ADARB1: variants seen among roughly 807,000 people sequenced by gnomAD.
The protein encoded by ADARB1 is double-stranded RNA-specific editase 1.
A neutral mutation model predicts 52.4 loss-of-function variants in ADARB1; 10 were observed. The observed-to-expected ratio is 0.19, with a 90% CI of 0.12 to 0.32. The LOEUF (loss-of-function observed/expected upper bound fraction) is 0.32, where lower values mean the gene tolerates loss of function less well. Ranked by LOEUF, ADARB1 falls within the 10% of genes least tolerant of loss-of-function variation. The pLI is 1.00. For missense variants in ADARB1, 643 were observed against 922.3 expected, an observed-to-expected ratio of 0.70 and a Z score of 3.92; for synonymous variants, 349 against 371.1, an observed-to-expected ratio of 0.94 and a Z score of 0.68.
At chr21:45,081,037 C>A (rs1357805175) in intron 1 of ADARB1, among the ~76,000 whole-genome samples, 1 of 152,012 alleles carries the variant, frequency 6.6e-6, no homozygotes, top group African/African-American at 2.4e-5. Flanking sequence ...AGTAGTTCAG[C>A]CAATGCGATG....
intron 2 of ADARB1, among the ~76,000 whole-genome samples, chr21:45,140,103 C>G (rs1311901672): frequency 6.6e-6 from 1 of 151,966 alleles, no homozygotes; most frequent in East Asian, 1.9e-4. Context: ...GCCACCATGC[C>G]CGGCTAATTT....
rs12483152 is a variant in ADARB1 at position 45,115,985 on chromosome 21, C to T, written c.-219-12417C>T. On this transcript the variant is annotated intron_variant, in intron 1 of 10. Transcript: ENST00000348831. Reference sequence around the variant, plus strand: ...TTTGTTAATTAACTGATTTCACCCTCGTCATCCATCCTCTTTCCATAAGGA... The same window carrying T: ...TTTGTTAATTAACTGATTTCACCCTTGTCATCCATCCTCTTTCCATAAGGA... 3.2e-3 allele frequency among the ~76,000 whole-genome samples: 482 copies of T among 152,362 alleles called. 4 individuals are homozygous for T. Among genetic ancestry groups the T allele is most frequent in the Middle Eastern group, 0.014 (4 of 294 alleles).
intron 4 of ADARB1, among the ~76,000 whole-genome samples, chr21:45,179,807 G>C (rs1202243312): frequency 1.3e-5 from 2 of 152,044 alleles, no homozygotes; most frequent in East Asian, 3.9e-4. Context: ...TCCTTCACTG[G>C]ATCGCATCTC....
chr21:45,212,580 G>C (rs1011494443), intron 9 of ADARB1, among the ~76,000 whole-genome samples: 2 of 152,114 alleles, frequency 1.3e-5, no homozygotes, highest in African/African-American at 4.8e-5. Flanking sequence ...GCCCAGCCCT[G>C]TGTGTGGTTA....
chr21:45,150,517 T>C (rs2090229580), intron 2 of ADARB1, among the ~76,000 whole-genome samples: 1 of 152,220 alleles, frequency 6.6e-6, no homozygotes, highest in African/African-American at 2.4e-5. Context: ...AGTTAAATCA[T>C]ATTAATAATT....
Position 45,221,450 on chromosome 21 carries a change from T to C in ADARB1, c.1926+436T>C, listed in dbSNP as rs564361751. Among the ~76,000 whole-genome samples, 147 of 152,196 alleles carry C rather than the reference T, an allele frequency of 9.7e-4. 1 individual carries two copies. Among genetic ancestry groups the C allele is most frequent in the Non-Finnish European group, 1.7e-3 (116 of 68,032 alleles). ...CCCTTTTTTCCCCAGAATAAAACTT[T>C]ATATAGTAAGTCAGGGTATTACTAG... is the stretch of plus-strand genomic sequence containing the variant. On this transcript the variant is annotated intron_variant, in intron 10 of 10. Transcript: ENST00000348831. This position sits in a 1 kb window ranked among gnomAD's most constrained non-coding sequence, Gnocchi z 4.9.
chr21:45,118,840 C>T (rs2087979352), intron 1 of ADARB1, among the ~76,000 whole-genome samples: 1 of 152,192 alleles, frequency 6.6e-6, no homozygotes, highest in Non-Finnish European at 1.5e-5. Flanking sequence ...GGGAAGACCC[C>T]TCACCTCTGT....
intron 1 of ADARB1, among the ~76,000 whole-genome samples, chr21:45,077,658 C>T (rs1246740765): frequency 1.3e-5 from 2 of 148,864 alleles, no homozygotes; most frequent in Non-Finnish European, 3.0e-5. Context: ...CAGAGCGAGA[C>T]GCCGTCTAAA....
At chr21:45,124,767 G>GTGA (rs1555891525) in intron 1 of ADARB1, among the ~76,000 whole-genome samples, 12,635 of 30,090 alleles carry the variant, frequency 0.42, 629 homozygotes, top group African/African-American at 0.45. Context: ...TTTTTAAATG[G>GTGA]TGTGTGTGTG....
chr21:45,197,991 T>C (rs987392782), intron 8 of ADARB1, among the ~76,000 whole-genome samples: 1 of 152,136 alleles, frequency 6.6e-6, no homozygotes, highest in African/African-American at 2.4e-5. Flanking sequence ...CTTACCACAG[T>C]GTCCCTTTAA....
At chr21:45,133,969 GA>G in intron 2 of ADARB1, among the ~76,000 whole-genome samples, 1 of 112,400 alleles carries the variant, frequency 8.9e-6, no homozygotes, top group African/African-American at 3.6e-5. Context: ...GTGTGCGCCC[GA>G]CGGGGGTGTG....
intron 1 of ADARB1, among the ~76,000 whole-genome samples, chr21:45,109,046 G>C (rs1334075407): frequency 6.6e-6 from 1 of 152,220 alleles, no homozygotes; most frequent in Non-Finnish European, 1.5e-5. Context: ...GCTGAGGATG[G>C]CACAGCTCTC....
intron 2 of ADARB1, chr21:45,145,056 T>C (rs2089939885): frequency 6.5e-6 from 1 of 153,786 alleles, no homozygotes; most frequent in African/African-American, 2.4e-5. Flanking sequence ...GTCAGGAAAG[T>C]AGCATGCTTT....
intron 1 of ADARB1, among the ~76,000 whole-genome samples, chr21:45,095,994 A>C (rs2086742029): frequency 6.6e-6 from 1 of 152,224 alleles, no homozygotes; most frequent in Non-Finnish European, 1.5e-5. Flanking sequence ...AGCCGCACAC[A>C]CTGTAGATAG....
In ADARB1 at chr21:45,208,972, G is replaced by A. The variant is rs115929981; in HGVS notation, c.1747+4236G>A. 1.8e-3 allele frequency among the ~76,000 whole-genome samples: 273 copies of A among 152,182 alleles called. 1 individual carries two copies. The highest frequency in any genetic ancestry group is 6.2e-3 in the African/African-American group (256 of 41,512). On this transcript the variant is annotated intron_variant, in intron 9 of 10. Transcript: ENST00000348831. This position sits in a 1 kb window ranked among gnomAD's most constrained non-coding sequence, Gnocchi z 5.6. ...TCCTCCCCTTTGCTTTTGCTGGACC[G>A]ATTAAATTGTCTTTCCCCTTTCTTC...
At chr21:45,149,208 C>G (rs1012043814) in intron 2 of ADARB1, among the ~76,000 whole-genome samples, 2 of 152,224 alleles carry the variant, frequency 1.3e-5, no homozygotes, top group Non-Finnish European at 2.9e-5. Flanking sequence ...TCTCGGCAGG[C>G]TCCACACTTG....
At chr21:45,136,518 A>G (rs73384724) in intron 2 of ADARB1, among the ~76,000 whole-genome samples, 1,537 of 152,360 alleles carry the variant, frequency 0.01, 30 homozygotes, top group African/African-American at 0.035. Context: ...CAGAACCTGT[A>G]GCAGCGCTCA....
chr21:45,175,467 A>G (rs544066790), intron 3 of ADARB1, among the ~76,000 whole-genome samples: 1 of 152,302 alleles, frequency 6.6e-6, no homozygotes, highest in South Asian at 2.1e-4. Context: ...TTATTTAAAG[A>G]TTTTACTTTT....
chr21:45,127,491 G>A (rs778174610), intron 1 of ADARB1, among the ~76,000 whole-genome samples: 6 of 152,232 alleles, frequency 3.9e-5, no homozygotes, highest in Non-Finnish European at 8.8e-5. Flanking sequence ...CAGCAGACGA[G>A]CTGACGTGTG....
Sources: gnomAD v4.1 joint callset for allele counts (sites outside exome capture counted in the v4.1 genomes callset) on GRCh38, gnomAD v4.1.1 for gene constraint, Gnocchi (gnomAD v3.1) non-coding constraint, MANE v1.5 for transcripts, NCBI Gene and HGNC (gene_info 2026-07-23, HGNC 2026-07-21) for gene names.